ADGRL3: variants seen among roughly 807,000 people sequenced by gnomAD.
The protein encoded by ADGRL3 is calcium-independent alpha-latrotoxin receptor 3.
Under a neutral mutation model 153.5 loss-of-function variants are expected in ADGRL3, and 62 were observed. The observed-to-expected ratio is 0.40, with a 90% CI of 0.33 to 0.50. ADGRL3 has a LOEUF of 0.50. Among genes scored for constraint, ADGRL3 ranks in the 20% least tolerant of loss-of-function variants. ADGRL3 has a pLI of 0.47. For missense variants in ADGRL3, 1,641 were observed against 1,859.4 expected, an observed-to-expected ratio of 0.88 and a Z score of 2.16; for synonymous variants, 710 against 672.5, an observed-to-expected ratio of 1.06 and a Z score of -0.86.
At chr4:61,450,303 A>G (rs2097658385) in intron 2 of ADGRL3, among the ~76,000 whole-genome samples, 1 of 152,236 alleles carries the variant, frequency 6.6e-6, no homozygotes, top group Non-Finnish European at 1.5e-5. Flanking sequence ...ACCTAGTAGA[A>G]TATGTACTAT....
intron 24 of ADGRL3, among the ~76,000 whole-genome samples, chr4:62,040,119 T>C (rs1216028004): frequency 6.6e-6 from 1 of 152,126 alleles, no homozygotes; most frequent in African/African-American, 2.4e-5. Flanking sequence ...ACTCAGTTTT[T>C]CCATCTGTAA....
chr4:61,265,790 A>G (rs1363694142), intron 1 of ADGRL3, among the ~76,000 whole-genome samples: 1 of 151,866 alleles, frequency 6.6e-6, no homozygotes, highest in Non-Finnish European at 1.5e-5. Context: ...CAGTAAGATA[A>G]TGTGAAGAAT....
At chr4:61,838,535 A>T (rs551141390) in intron 9 of ADGRL3, among the ~76,000 whole-genome samples, 1 of 152,206 alleles carries the variant, frequency 6.6e-6, no homozygotes, top group Admixed American at 6.5e-5. Flanking sequence ...AGGTAAATTA[A>T]AACTACATTT....
At chr4:61,319,291 A>G (rs1182557217) in intron 1 of ADGRL3, among the ~76,000 whole-genome samples, 1 of 152,144 alleles carries the variant, frequency 6.6e-6, no homozygotes, top group East Asian at 1.9e-4. Flanking sequence ...CCTCCCTACA[A>G]CCACTTCAAA....
intron 1 of ADGRL3, among the ~76,000 whole-genome samples, chr4:61,219,895 G>A (rs1289851508): frequency 1.3e-5 from 2 of 152,044 alleles, no homozygotes; most frequent in African/African-American, 4.8e-5. Flanking sequence ...ATCACCTGAG[G>A]TCAGGAGTTT....
chr4:61,805,549 T>G (rs1050211865), intron 8 of ADGRL3, among the ~76,000 whole-genome samples: 1 of 152,270 alleles, frequency 6.6e-6, no homozygotes, highest in East Asian at 1.9e-4. Flanking sequence ...ATTCTAATAT[T>G]ATTTTTCCAG....
intron 10 of ADGRL3, 102 bp from the exon 11 acceptor site, chr4:61,895,629 A>G: frequency 4.8e-6 from 3 of 620,768 alleles, no homozygotes; most frequent in Non-Finnish European, 8.4e-6. Flanking sequence ...ACATTATATC[A>G]ATTTAATTAT....
chr4:61,841,257 T>C (rs1321847976), intron 9 of ADGRL3, among the ~76,000 whole-genome samples: 1 of 152,178 alleles, frequency 6.6e-6, no homozygotes, highest in Non-Finnish European at 1.5e-5. Flanking sequence ...TCCTTAGGCA[T>C]AACTGAAAAT....
intron 9 of ADGRL3, among the ~76,000 whole-genome samples, chr4:61,863,364 A>G (rs1219328496): frequency 6.8e-6 from 1 of 147,482 alleles, no homozygotes; most frequent in Non-Finnish European, 1.5e-5. Flanking sequence ...CAGCCTCCCA[A>G]GTAGCTGGGA....
At position 61,552,302 on chromosome 4, in the gene ADGRL3, A is replaced by C. The variant is rs1392080693; in HGVS notation, c.259+34784A>C. ...ATAGTTCAGGTAACTGGTTACAGAC[A>C]TTTGATTCACATGTTTCAACTTAAA... is the stretch of plus-strand genomic sequence containing the variant. On this transcript the variant is annotated intron_variant, in intron 4 of 26. Transcript: ENST00000683033. Among the ~76,000 whole-genome samples, 3 of 152,254 alleles carry C rather than the reference A, an allele frequency of 2.0e-5. No individual in the cohort carries two copies. In the East Asian group the frequency reaches 5.8e-4, roughly 29 times the overall value.
Position 61,620,001 on chromosome 4 carries a change from C to T in ADGRL3, c.473+32561C>T, listed in dbSNP as rs187052030. Among the ~76,000 whole-genome samples the T allele has an allele frequency of 2.3e-3, 348 of 151,696 alleles. 2 individuals carry two copies. The highest frequency in any genetic ancestry group is 3.3e-3 in the Admixed American group (50 of 15,208). On this transcript the variant is annotated intron_variant, in intron 5 of 26. Coordinates refer to ENST00000683033, the MANE Select transcript of ADGRL3 (RefSeq NM_001387552.1). ...AGAGTAGAATTAGTGAGTAAAATCA[C>T]GAATGAAAAATATTTAAATCTTATT... is the stretch of plus-strand genomic sequence containing the variant.
At chr4:62,007,603 T>A (rs537998443) in intron 21 of ADGRL3, among the ~76,000 whole-genome samples, 8 of 151,070 alleles carry the variant, frequency 5.3e-5, no homozygotes, top group Admixed American at 4.6e-4. Context: ...AGCCAGGATG[T>A]GGCTCCTGGC....
chr4:61,432,644 T>C (rs1163029502), intron 2 of ADGRL3, among the ~76,000 whole-genome samples: 9 of 81,172 alleles, frequency 1.1e-4, no homozygotes, highest in Non-Finnish European at 2.0e-4. Flanking sequence ...CTTTCTTTCT[T>C]TCTTTCTTTC....
intron 8 of ADGRL3, among the ~76,000 whole-genome samples, chr4:61,768,247 C>T (rs1027701201): frequency 3.3e-5 from 5 of 152,062 alleles, no homozygotes; most frequent in Non-Finnish European, 5.9e-5. Flanking sequence ...AACTGTAAGC[C>T]AGACCAGGTG....
chr4:61,600,725 G>A (rs2099008138), intron 5 of ADGRL3, among the ~76,000 whole-genome samples: 3 of 152,048 alleles, frequency 2.0e-5, no homozygotes, highest in Admixed American at 2.0e-4. Flanking sequence ...TCCCGATTTT[G>A]ATAATGTTTA....
chr4:61,208,138 G>A (rs1738200634), intron 1 of ADGRL3, among the ~76,000 whole-genome samples: 1 of 152,068 alleles, frequency 6.6e-6, no homozygotes, highest in Non-Finnish European at 1.5e-5. Context: ...AGGCTACAAA[G>A]GAGTCAAGGG....
chr4:61,681,390 C>CT (rs901523961), intron 6 of ADGRL3, among the ~76,000 whole-genome samples: 19 of 151,794 alleles, frequency 1.3e-4, no homozygotes, highest in South Asian at 2.1e-4. Context: ...TTCTTTGTTT[C>CT]TTTTTTTTCA....
In ADGRL3 at chr4:61,536,228, C is replaced by T. The variant is rs376923219; in HGVS notation, c.259+18710C>T. On this transcript the variant is annotated intron_variant, in intron 4 of 26. Transcript: ENST00000683033. ...GTGGAACTGGTTTCTAATGTTATTC[C>T]GCTGTGGTCTAAGATGATACTTGAT... 1.5e-4 allele frequency among the ~76,000 whole-genome samples: 23 copies of T among 152,082 alleles called. 1 individual carries two copies. The highest frequency in any genetic ancestry group is 3.4e-3 in the Middle Eastern group (1 of 294).
chr4:61,644,725 A>G (rs556411207), intron 5 of ADGRL3, among the ~76,000 whole-genome samples: 45 of 152,278 alleles, frequency 3.0e-4, no homozygotes, highest in African/African-American at 1.1e-3. Context: ...CAATTATGGA[A>G]TAGGTGTGGT....
Sources: allele counts gnomAD v4.1 joint callset (sites outside exome capture counted in the v4.1 genomes callset), GRCh38; gene constraint gnomAD v4.1.1; transcripts MANE v1.5; gene names NCBI Gene and HGNC (gene_info 2026-07-23, HGNC 2026-07-21).